SBF2: variants seen among roughly 807,000 people sequenced by gnomAD.
The protein encoded by SBF2 is myotubularin-related protein 13.
A neutral mutation model predicts 225.2 loss-of-function variants in SBF2; 112 were observed. The ratio of observed to expected loss-of-function variants is 0.50; its 90% CI spans 0.43 to 0.58. The LOEUF (loss-of-function observed/expected upper bound fraction) is 0.58. Ranked by LOEUF, SBF2 falls within the 20% of genes least tolerant of loss-of-function variation. SBF2 has a pLI of 0.00. For missense variants in SBF2, 1,996 were observed against 2,206.2 expected (o/e 0.90, Z 1.91); for synonymous variants, 763 against 773.3 (o/e 0.99, Z 0.22).
chr11:9,993,108 A>G lies in SBF2; in HGVS notation c.1054-5T>C. ...AACGGCTCGCACCTCTTTATCCTAA[A>G]AATATAAGAAGAAATGTTAGGTAAT... On this transcript the variant is annotated splice_polypyrimidine_tract_variant and splice_region_variant and intron_variant, in intron 10 of 39. Transcript: ENST00000256190. The G allele has an allele frequency of 6.3e-7, 1 of 1,589,954 alleles. No individual in the cohort carries two copies. The highest frequency in any genetic ancestry group is 8.6e-7 in the Non-Finnish European group (1 of 1,161,202).
intron 1 of SBF2, among the ~76,000 whole-genome samples, chr11:10,267,597 T>C (rs1276315726): frequency 6.6e-6 from 1 of 151,958 alleles, no homozygotes; most frequent in Non-Finnish European, 1.5e-5. Context: ...TTCTTTTCTT[T>C]CTTTTTTTTT....
At chr11:10,168,040 T>C (rs541440969) in intron 2 of SBF2, among the ~76,000 whole-genome samples, 26 of 152,182 alleles carry the variant, frequency 1.7e-4, no homozygotes, top group African/African-American at 6.3e-4. Context: ...AAAAACAAAG[T>C]AACAGACCAC....
intron 2 of SBF2, among the ~76,000 whole-genome samples, chr11:10,107,724 T>G (rs1483408709): frequency 1.3e-5 from 2 of 152,226 alleles, no homozygotes; most frequent in African/African-American, 4.8e-5. Flanking sequence ...CTCCTCTTTA[T>G]GTCTCCTCCC....
chr11:10,205,718 C>T (rs1402909276), intron 1 of SBF2, among the ~76,000 whole-genome samples: 1 of 152,012 alleles, frequency 6.6e-6, no homozygotes, highest in East Asian at 1.9e-4. Flanking sequence ...GGCCCTGACT[C>T]CCTTTCCCCA....
chr11:9,819,678 A>G (rs2133916296), intron 28 of SBF2, among the ~76,000 whole-genome samples: 1 of 152,298 alleles, frequency 6.6e-6, no homozygotes, highest in East Asian at 1.9e-4. Context: ...GTATGGGTGA[A>G]TGTTAGGAAT....
chr11:10,173,262 C>T (rs923750885), intron 2 of SBF2, among the ~76,000 whole-genome samples: 6 of 152,204 alleles, frequency 3.9e-5, no homozygotes, highest in Non-Finnish European at 8.8e-5. Flanking sequence ...GTTCATCTCA[C>T]TAGGGAGTGC....
chr11:10,201,717 C>A (rs1460272913), intron 1 of SBF2, among the ~76,000 whole-genome samples: 1 of 152,172 alleles, frequency 6.6e-6, no homozygotes, highest in Non-Finnish European at 1.5e-5. Context: ...AAAAAGAATG[C>A]ATTTTTACTG....
At chr11:10,151,055 G>A (rs1204225913) in intron 2 of SBF2, among the ~76,000 whole-genome samples, 3 of 152,140 alleles carry the variant, frequency 2.0e-5, no homozygotes, top group Non-Finnish European at 4.4e-5. Context: ...AACTTTCTAT[G>A]CTAAAGGTTG....
intron 17 of SBF2, among the ~76,000 whole-genome samples, chr11:9,888,836 A>G (rs546533695): frequency 6.6e-5 from 10 of 152,360 alleles, no homozygotes; most frequent in African/African-American, 2.4e-4. Flanking sequence ...TTTACTAGCT[A>G]GGTAGTATAG....
Position 10,132,729 on chromosome 11 carries a change from G to A in SBF2, c.141+61173C>T, listed in dbSNP as rs566591961. The stretch of plus-strand genomic sequence containing the variant: ...CCACAGTGTGGAAGGGGACCCGAGC[G>A]GGTTGCCAATGCTGGCTCGGGCAGC... On this transcript the variant is annotated intron_variant, in intron 2 of 39. Transcript: ENST00000256190. Among the ~76,000 whole-genome samples the A allele has an allele frequency of 1.4e-4, 21 of 148,850 alleles. No homozygotes were observed. The South Asian group carries it at 4.3e-3, about 30-fold the overall frequency.
chr11:9,898,472 A>G (rs1297706396), intron 16 of SBF2, among the ~76,000 whole-genome samples: 1 of 152,178 alleles, frequency 6.6e-6, no homozygotes, highest in Non-Finnish European at 1.5e-5. Flanking sequence ...GGAGTTCAAG[A>G]CCAGCCTGGG....
At chr11:9,961,575 A>G (rs2134361779) in intron 16 of SBF2, 1 of 157,098 alleles carries the variant, frequency 6.4e-6, no homozygotes, top group Admixed American at 6.4e-5. Flanking sequence ...TAATTCATTT[A>G]TCGTTTGGAT....
At chr11:9,846,192 G>T (rs1856536558) in intron 23 of SBF2, among the ~76,000 whole-genome samples, 1 of 152,194 alleles carries the variant, frequency 6.6e-6, no homozygotes, top group Admixed American at 6.5e-5. Context: ...GGGACAGTGA[G>T]GAAATCCTTA....
At chr11:9,989,055 T>TATATATAC (rs963608316) in intron 13 of SBF2, among the ~76,000 whole-genome samples, 4 of 142,630 alleles carry the variant, frequency 2.8e-5, no homozygotes, top group Non-Finnish European at 4.8e-5. Flanking sequence ...TATATATATA[T>TATATATAC]ACATATGCAT....
chr11:10,139,020 C>A (rs1483536770), intron 2 of SBF2, among the ~76,000 whole-genome samples: 206 of 152,058 alleles, frequency 1.4e-3, no homozygotes, highest in African/African-American at 4.5e-3. Flanking sequence ...TATGGAAAAC[C>A]ATGTAAGAAA....
At chr11:10,280,991 C>T (rs16907632) in intron 1 of SBF2, among the ~76,000 whole-genome samples, 3,218 of 152,294 alleles carry the variant, frequency 0.021, 87 homozygotes, top group African/African-American at 0.063. Context: ...ATCTGCCACA[C>T]CTGACACTAA....
intron 1 of SBF2, among the ~76,000 whole-genome samples, chr11:10,248,618 G>GA (rs1270597073): frequency 6.6e-5 from 10 of 152,210 alleles, no homozygotes; most frequent in South Asian, 2.1e-4. Flanking sequence ...TGAAACTACT[G>GA]AAAAAACAGT....
In SBF2 at chr11:10,110,276, G is replaced by A. The variant is rs777311325; in HGVS notation, c.142-67295C>T. On this transcript the variant is annotated intron_variant, in intron 2 of 39. Coordinates refer to ENST00000256190, the MANE Select transcript of SBF2 (RefSeq NM_030962.4). ...TACTAAATTAACCAAACTACATATC[G>A]AGTAGTTTTCATATTATCAATGCAC... Among the ~76,000 whole-genome samples, 19 of 151,852 alleles carry A rather than the reference G, an allele frequency of 1.3e-4. 1 individual carries two copies. The highest frequency in any genetic ancestry group is 2.6e-4 in the Non-Finnish European group (18 of 67,942).
chr11:9,885,414 A>G (rs775694605), intron 17 of SBF2, among the ~76,000 whole-genome samples: 17 of 152,012 alleles, frequency 1.1e-4, no homozygotes, highest in Admixed American at 5.2e-4. Flanking sequence ...TTAAATCTAT[A>G]TTGTCTAATA....
Sources: allele counts gnomAD v4.1 joint callset (sites outside exome capture counted in the v4.1 genomes callset), GRCh38; gene constraint gnomAD v4.1.1; transcripts MANE v1.5; gene names NCBI Gene and HGNC (gene_info 2026-07-23, HGNC 2026-07-21).